NUP62CL: variants seen among roughly 807,000 people sequenced by gnomAD.
The protein encoded by NUP62CL is nucleoporin-62 C-terminal-like protein.
In NUP62CL, 13 loss-of-function variants were observed where a neutral mutation model predicts 15.3. The ratio of observed to expected loss-of-function variants is 0.85; its 90% CI spans 0.55 to 1.35. The LOEUF (loss-of-function observed/expected upper bound fraction) is 1.35. Among genes scored for constraint, NUP62CL ranks in the 40% most tolerant of loss-of-function variants. The pLI, the probability that NUP62CL is intolerant of heterozygous loss-of-function variation, is 0.00. For missense variants in NUP62CL, 123 were observed against 130.6 expected (o/e 0.94, Z 0.28); for synonymous variants, 54 against 49.2 (o/e 1.10, Z -0.41).
intron 3 of NUP62CL, 96 bp downstream of exon 3, chrX:107,174,993 T>G (rs1292802376): frequency 1.5e-6 from 1 of 664,439 alleles, no homozygotes; most frequent in African/African-American, 2.2e-5. Context: ...AGAATAATGA[T>G]AATTTCTGAG....
chrX:107,162,232 T>G (rs1419076806), intron 4 of NUP62CL, among the ~76,000 whole-genome samples: 1 of 110,422 alleles, frequency 9.1e-6, no homozygotes, highest in Non-Finnish European at 1.9e-5. Context: ...CTCAAGGACT[T>G]GGAAGACAAT....
intron 1 of NUP62CL, among the ~76,000 whole-genome samples, chrX:107,194,674 A>G (rs1268184892): frequency 9.0e-6 from 1 of 111,241 alleles, no homozygotes; most frequent in Admixed American, 9.6e-5. Flanking sequence ...ATTTTTAAAT[A>G]CTTTTTGAAA....
At chrX:107,156,361 T>G (rs1253581961) in intron 4 of NUP62CL, among the ~76,000 whole-genome samples, 2 of 101,150 alleles carry the variant, frequency 2.0e-5, no homozygotes, top group African/African-American at 7.4e-5. Flanking sequence ...CAGTAACCTC[T>G]GCAGACTTAA....
At chrX:107,146,253 G>A (rs780679344) in intron 8 of NUP62CL, among the ~76,000 whole-genome samples, 4 of 111,413 alleles carry the variant, frequency 3.6e-5, no homozygotes, top group Non-Finnish European at 7.6e-5. Flanking sequence ...ATTCTCCAGC[G>A]ATCTTAAACT....
At chrX:107,184,602 C>T (rs1201237142) in intron 2 of NUP62CL, among the ~76,000 whole-genome samples, 2 of 110,910 alleles carry the variant, frequency 1.8e-5, no homozygotes, top group African/African-American at 6.6e-5. Flanking sequence ...TGGACTATAA[C>T]CAAGGACTTA....
intron 8 of NUP62CL, among the ~76,000 whole-genome samples, chrX:107,130,087 C>CA (rs1379789054): frequency 9.0e-6 from 1 of 111,414 alleles, no homozygotes. Flanking sequence ...TCCAGGGCAT[C>CA]AAACATTAGA....
At chrX:107,134,930 C>T (rs1416144198) in intron 8 of NUP62CL, among the ~76,000 whole-genome samples, 1 of 111,535 alleles carries the variant, frequency 9.0e-6, no homozygotes, top group Non-Finnish European at 1.9e-5. Context: ...GGCTGGAGTG[C>T]GGTGGCATGA....
chrX:107,165,937 G>A (rs1381528823), intron 4 of NUP62CL, among the ~76,000 whole-genome samples: 1 of 103,117 alleles, frequency 9.7e-6, no homozygotes, highest in Non-Finnish European at 1.9e-5. Context: ...TGTAAAATGT[G>A]AAACTATAAA....
At chrX:107,128,417 G>A (rs915090467) in intron 8 of NUP62CL, among the ~76,000 whole-genome samples, 5 of 111,812 alleles carry the variant, frequency 4.5e-5, no homozygotes, top group African/African-American at 1.6e-4. Flanking sequence ...GTAAATATCA[G>A]GCAACAAATA....
At chrX:107,192,137 T>G (rs1462614193) in intron 2 of NUP62CL, among the ~76,000 whole-genome samples, 1 of 111,870 alleles carries the variant, frequency 8.9e-6, no homozygotes, top group Admixed American at 9.5e-5. Context: ...CTGAGATGCA[T>G]GAGGGAAAAC....
At chrX:107,142,371 G>A (rs1390658548) in intron 8 of NUP62CL, among the ~76,000 whole-genome samples, 1 of 111,343 alleles carries the variant, frequency 9.0e-6, no homozygotes, top group Non-Finnish European at 1.9e-5. Flanking sequence ...AATCCCTATG[G>A]TGCTTATAGT....
intron 1 of NUP62CL, among the ~76,000 whole-genome samples, chrX:107,204,043 T>C (rs1320125090): frequency 1.8e-5 from 2 of 111,437 alleles, no homozygotes; most frequent in Non-Finnish European, 3.8e-5. Context: ...TCACCATTAT[T>C]CTTTTTTTTT....
Position 107,175,106 on chromosome X carries a change from G to A in NUP62CL, c.41C>T (p.Ala14Val). The A allele has an allele frequency of 8.3e-7, 1 of 1,205,822 alleles. No homozygotes were observed. Among genetic ancestry groups the A allele is most frequent in the Non-Finnish European group, 1.1e-6 (1 of 890,924 alleles). ...TAACTTACATGAGAGCCCAATAGCA[G>A]CAGTGGAGGTCAAAGAATTTGATAT... The part of the protein sequence containing the change: ...TSISNSLTST[A>V]AIGLSFTTST... Residue 14 changes from alanine (A) to valine (V), a missense_variant, in exon 3 of 9, where the codon GCT becomes GTT. Ala to Val is a moderately conservative substitution (Grantham distance 64). Coordinates refer to ENST00000372466, the MANE Select transcript of NUP62CL (RefSeq NM_017681.3).
chrX:107,197,865 C>T (rs143815014), intron 1 of NUP62CL, among the ~76,000 whole-genome samples: 2 of 111,947 alleles, frequency 1.8e-5, no homozygotes, highest in Non-Finnish European at 3.8e-5. Context: ...AAAATTCTGA[C>T]GGTTCCATTA....
At chrX:107,197,103 TCTTA>T (rs1927375654) in intron 1 of NUP62CL, among the ~76,000 whole-genome samples, 1 of 112,163 alleles carries the variant, frequency 8.9e-6, no homozygotes, top group African/African-American at 3.2e-5. Context: ...TTTTCTTCCA[TCTTA>T]CTTTGTATTT....
Position 107,201,771 on chromosome X carries a change from A to T in NUP62CL, c.-92+4502T>A, listed in dbSNP as rs147870093. Among the ~76,000 whole-genome samples the T allele has an allele frequency of 5.8e-3, 633 of 109,226 alleles. 2 individuals carry two copies. The highest frequency in any genetic ancestry group is 0.028 in the Middle Eastern group (6 of 215). 94.8% of individuals were successfully genotyped at this position (109,226 alleles called of 115,157 possible). ...AGTGAGACCTTGTCTCTACAAAAAAAAATTAAAAATTAGCCAAGCATGGTG... is the reference window on the plus strand; with the variant it reads ...AGTGAGACCTTGTCTCTACAAAAAATAATTAAAAATTAGCCAAGCATGGTG... On this transcript the variant is annotated intron_variant, in intron 1 of 8. Transcript: ENST00000372466.
At chrX:107,167,529 G>A (rs1926545446) in intron 4 of NUP62CL, 120 bp downstream of exon 4, 1 of 485,536 alleles carries the variant, frequency 2.1e-6, no homozygotes, top group Non-Finnish European at 3.3e-6. Flanking sequence ...TCTCTTGACT[G>A]TTCCCTCAAC....
chrX:107,172,620 G>C (rs990238874), intron 3 of NUP62CL, among the ~76,000 whole-genome samples: 22 of 110,873 alleles, frequency 2.0e-4, no homozygotes, highest in Admixed American at 5.8e-4. Context: ...ATTTAGAATA[G>C]GTCTAGGGAA....
intron 2 of NUP62CL, among the ~76,000 whole-genome samples, chrX:107,186,660 A>T (rs1927071387): frequency 9.0e-6 from 1 of 111,352 alleles, no homozygotes; most frequent in Non-Finnish European, 1.9e-5. Flanking sequence ...GCACGTTGGG[A>T]GCTGAGGTGG....
Sources: gnomAD v4.1 joint callset for allele counts (sites outside exome capture counted in the v4.1 genomes callset) on GRCh38, gnomAD v4.1.1 for gene constraint, MANE v1.5 for transcripts, NCBI Gene and HGNC (gene_info 2026-07-23, HGNC 2026-07-21) for gene names.